PID1: variants seen among roughly 807,000 people sequenced by gnomAD.
PID1 encodes the protein phosphotyrosine interaction domain containing 1, also known as PTB-containing, cubilin and LRP1-interacting protein.
PID1 carries 10 observed loss-of-function variants against 19.1 expected under a neutral mutation model. The observed-to-expected ratio is 0.52, with a 90% CI of 0.32 to 0.89. PID1 has a LOEUF of 0.89. Ranked by LOEUF, PID1 falls within the 40% of genes least tolerant of loss-of-function variation. The pLI is 0.03. For synonymous variants in PID1, 130 were observed against 116.0 expected, an observed-to-expected ratio of 1.12 and a Z score of -0.78; for missense variants, 248 against 285.3, an observed-to-expected ratio of 0.87 and a Z score of 0.94.
chr2:229,244,474 C>A (rs1310346921), intron 1 of PID1, among the ~76,000 whole-genome samples: 1 of 152,122 alleles, frequency 6.6e-6, no homozygotes, highest in Non-Finnish European at 1.5e-5. Context: ...TCCAAAATTC[C>A]AACTCTGCCA....
chr2:229,062,175 G>A (rs1046517525), intron 2 of PID1, among the ~76,000 whole-genome samples: 1 of 151,848 alleles, frequency 6.6e-6, no homozygotes, highest in African/African-American at 2.4e-5. Context: ...TCTGATTTTA[G>A]AGAAAAAGGT....
At chr2:229,168,461 A>T (rs1257908828) in intron 1 of PID1, among the ~76,000 whole-genome samples, 2 of 152,086 alleles carry the variant, frequency 1.3e-5, no homozygotes, top group East Asian at 3.9e-4. Flanking sequence ...AAGCTCATTA[A>T]AGGCCTTCTT....
intron 2 of PID1, among the ~76,000 whole-genome samples, chr2:229,124,644 T>C (rs1695586785): frequency 6.6e-6 from 1 of 152,190 alleles, no homozygotes; most frequent in Non-Finnish European, 1.5e-5. Flanking sequence ...CTTGGACATA[T>C]TTCTCACTGA....
intron 1 of PID1, among the ~76,000 whole-genome samples, chr2:229,226,183 A>G (rs1381056005): frequency 1.3e-5 from 2 of 152,152 alleles, no homozygotes; most frequent in African/African-American, 2.4e-5. Context: ...TTAATTGGTG[A>G]GCCAACCCTT....
At chr2:229,218,364 C>T (rs1012970298) in intron 1 of PID1, among the ~76,000 whole-genome samples, 1 of 146,676 alleles carries the variant, frequency 6.8e-6, no homozygotes, top group Non-Finnish European at 1.5e-5. Flanking sequence ...ACAATCTTCA[C>T]TTGTTTTACT....
chr2:229,106,873 T>C (rs1274482871), intron 2 of PID1, among the ~76,000 whole-genome samples: 1 of 152,164 alleles, frequency 6.6e-6, no homozygotes, highest in Non-Finnish European at 1.5e-5. Context: ...ACCAAAAAGA[T>C]ATGTCTAATT....
intron 1 of PID1, among the ~76,000 whole-genome samples, chr2:229,156,225 G>A (rs1690370794): frequency 6.6e-6 from 1 of 152,194 alleles, no homozygotes; most frequent in South Asian, 2.1e-4. Context: ...AGGACATTAT[G>A]TTCTGAGAAG....
chr2:229,237,915 C>A (rs888833761), intron 1 of PID1, among the ~76,000 whole-genome samples: 1 of 152,164 alleles, frequency 6.6e-6, no homozygotes, highest in Non-Finnish European at 1.5e-5. Context: ...CAAAATTAAT[C>A]ATTCCAATTT....
intron 1 of PID1, among the ~76,000 whole-genome samples, chr2:229,261,287 T>C (rs1690456675): frequency 6.6e-6 from 1 of 152,214 alleles, no homozygotes; most frequent in Admixed American, 6.5e-5. Flanking sequence ...TGTGGTACTT[T>C]GCTATTGCAG....
rs1425572638 is a variant in PID1 at position 229,093,133 on chromosome 2, TTTTTC to T, written c.177+62680_177+62684del. ...CTGGTCTGGTCTTTCTTTCTTTTTC[TTTTTC>T]TTTTTTTTTTTTGAGATGGAGTCTC... On this transcript the variant is annotated intron_variant, in intron 2 of 2. Coordinates refer to ENST00000392055, the MANE Select transcript of PID1 (RefSeq NM_001100818.2). 2.7e-3 allele frequency among the ~76,000 whole-genome samples: 141 copies of T among 53,138 alleles called. 5 individuals carry two copies. The highest frequency in any genetic ancestry group is 0.019 in the Middle Eastern group (1 of 54). 34.9% of individuals were successfully genotyped at this position (53,138 alleles called of 152,430 possible). A position where few individuals can be genotyped will look rare whatever the true frequency, so the allele number is the denominator to read the frequency against.
intron 2 of PID1, among the ~76,000 whole-genome samples, chr2:229,049,642 A>G (rs1693950705): frequency 2.8e-5 from 3 of 107,824 alleles, no homozygotes; most frequent in African/African-American, 4.4e-5. Context: ...ATAAGATGAT[A>G]TAAGAGACAT....
At chr2:229,243,595 C>G (rs1346853720) in intron 1 of PID1, among the ~76,000 whole-genome samples, 1 of 152,060 alleles carries the variant, frequency 6.6e-6, no homozygotes, top group Non-Finnish European at 1.5e-5. Flanking sequence ...AAATGAATAT[C>G]ACCTTTAAAA....
Position 229,025,250 on chromosome 2 carries a change from C to T in PID1, c.*382G>A. 1 of 203,238 alleles carries T rather than the reference C, an allele frequency of 4.9e-6. No homozygotes were observed. Among genetic ancestry groups the T allele is most frequent in the Non-Finnish European group, 1.0e-5 (1 of 97,658 alleles). The allele number at this position is 203,238 out of a possible 1,614,324, so 12.6% of individuals were successfully genotyped here. ...CTAGAGATCCCATAGGTGCCCCTAACATTCTTGTGGAATTTCATAAGGCAG... is the reference window on the plus strand; with the variant it reads ...CTAGAGATCCCATAGGTGCCCCTAATATTCTTGTGGAATTTCATAAGGCAG... On this transcript the variant is annotated 3_prime_UTR_variant, in exon 3 of 3. Transcript: ENST00000392055.
intron 2 of PID1, among the ~76,000 whole-genome samples, chr2:229,061,486 C>T (rs923493632): frequency 8.6e-5 from 13 of 151,772 alleles, no homozygotes; most frequent in Admixed American, 3.9e-4. Context: ...TATGCTGGTA[C>T]CATGCTGTTT....
At chr2:229,258,206 G>A (rs550588809) in intron 1 of PID1, among the ~76,000 whole-genome samples, 11 of 152,140 alleles carry the variant, frequency 7.2e-5, no homozygotes, top group Non-Finnish European at 1.5e-4. Context: ...GAGCATGAAC[G>A]AGAAACAGGG....
intron 1 of PID1, among the ~76,000 whole-genome samples, chr2:229,260,437 G>A (rs1179454516): frequency 1.3e-5 from 2 of 150,352 alleles, no homozygotes; most frequent in East Asian, 1.9e-4. Flanking sequence ...ACAAAACACA[G>A]TAAAGTAGAA....
chr2:229,219,963 A>C (rs981307138), intron 1 of PID1, among the ~76,000 whole-genome samples: 1 of 152,024 alleles, frequency 6.6e-6, no homozygotes, highest in African/African-American at 2.4e-5. Context: ...TGAGCTAAGC[A>C]CTGTATATAT....
intron 2 of PID1, among the ~76,000 whole-genome samples, chr2:229,085,124 G>A (rs1364292218): frequency 6.6e-6 from 1 of 150,990 alleles, no homozygotes; most frequent in Non-Finnish European, 1.5e-5. Flanking sequence ...TATGACAATT[G>A]CAACTATTTT....
At chr2:229,048,446 T>C (rs1693926746) in intron 2 of PID1, among the ~76,000 whole-genome samples, 1 of 152,214 alleles carries the variant, frequency 6.6e-6, no homozygotes. Flanking sequence ...TGTGCTGGCA[T>C]TTATTTTTGC....
Sources: gnomAD v4.1 joint callset for allele counts (sites outside exome capture counted in the v4.1 genomes callset) on GRCh38, gnomAD v4.1.1 for gene constraint, MANE v1.5 for transcripts, NCBI Gene and HGNC (gene_info 2026-07-23, HGNC 2026-07-21) for gene names.